Variants in RBM33 observed in about 807,000 individuals in gnomAD.
RBM33 encodes the protein RNA binding motif protein 33, also known as RNA-binding protein 33.
In RBM33, 28 loss-of-function variants were observed where a neutral mutation model predicts 132.6. The observed-to-expected ratio is 0.21, with a 90% confidence interval of 0.16 to 0.29. The LOEUF (loss-of-function observed/expected upper bound fraction) is 0.29, where lower values mean the gene tolerates loss of function less well. RBM33 is among the 10% of genes least tolerant of loss of function. RBM33 has a pLI of 1.00. For synonymous variants in RBM33, 634 were observed against 593.0 expected (o/e 1.07, Z -1.01); for missense variants, 1,291 against 1,518.5 (o/e 0.85, Z 2.49).
chr7:155,730,709 A>G (rs1800931173), intron 9 of RBM33, among the ~76,000 whole-genome samples: 2 of 152,224 alleles, frequency 1.3e-5, no homozygotes, highest in South Asian at 4.1e-4. Flanking sequence ...TTAGTGATGG[A>G]TTTTAAAGGC....
intron 1 of RBM33, among the ~76,000 whole-genome samples, chr7:155,651,952 T>G (rs1798366384): frequency 6.6e-6 from 1 of 152,230 alleles, no homozygotes; most frequent in Non-Finnish European, 1.5e-5. Context: ...AAATTATTTC[T>G]AAAGCAACAT....
intron 1 of RBM33, among the ~76,000 whole-genome samples, chr7:155,657,258 C>T (rs532559803): frequency 2.6e-5 from 4 of 152,204 alleles, no homozygotes; most frequent in African/African-American, 7.2e-5. Context: ...CTACGTAGCA[C>T]GATGGCAGTT....
rs772778900 is a variant in RBM33, at chr7:155,779,097, T to C, written c.*4056T>C. ...GTGCTCTTCCTGGGATTCGTTTTTT[T>C]ATTACCCTCCCTCCCTACTTGTAGG... On this transcript the variant is annotated 3_prime_UTR_variant, in exon 18 of 18. Transcript: ENST00000401878. 1 of 152,086 alleles carries C rather than the reference T, an allele frequency of 6.6e-6. No homozygotes were observed. Among genetic ancestry groups the C allele is most frequent in the Non-Finnish European group, 1.5e-5 (1 of 68,068 alleles). 9.4% of individuals were successfully genotyped at this position (152,086 alleles called of 1,614,324 possible). A position where few individuals can be genotyped will look rare whatever the true frequency, so the allele number is the denominator to read the frequency against.
At position 155,774,969 on chromosome 7, in the gene RBM33, G is replaced by T; in HGVS notation, c.3465-24G>T. On this transcript the variant is annotated intron_variant, in intron 17 of 17. Coordinates refer to ENST00000401878, the MANE Select transcript of RBM33 (RefSeq NM_053043.3). This position sits in a 1 kb window ranked among gnomAD's most constrained non-coding sequence, Gnocchi z 4.2. The stretch of plus-strand genomic sequence containing the variant: ...ATTGCCGATGTGCAGGGTTAGTGTC[G>T]ATCGTTTCTTTAAATTTTCACAGGC... The T allele has an allele frequency of 1.2e-6, 2 of 1,612,252 alleles. No individual in the cohort carries two copies. Among genetic ancestry groups the T allele is most frequent in the Non-Finnish European group, 1.7e-6 (2 of 1,178,476 alleles).
At chr7:155,718,967 T>TCACA (rs879367019) in intron 9 of RBM33, among the ~76,000 whole-genome samples, 15 of 151,150 alleles carry the variant, frequency 9.9e-5, no homozygotes, top group Admixed American at 9.9e-4. Context: ...TCTCTCTCTC[T>TCACA]CACACACACA....
intron 5 of RBM33, among the ~76,000 whole-genome samples, chr7:155,688,646 G>A (rs932751064): frequency 2.6e-5 from 4 of 152,106 alleles, no homozygotes; most frequent in Non-Finnish European, 2.9e-5. Flanking sequence ...TTTGAGATAC[G>A]TCCCATCAAT....
chr7:155,646,590 C>A (rs533556073), intron 1 of RBM33, among the ~76,000 whole-genome samples: 2 of 152,296 alleles, frequency 1.3e-5, no homozygotes, highest in South Asian at 4.1e-4. Context: ...CTCCTGTACC[C>A]GCTCTTGCCA....
At chr7:155,772,866 T>C (rs957068895) in intron 16 of RBM33, among the ~76,000 whole-genome samples, 1 of 152,248 alleles carries the variant, frequency 6.6e-6, no homozygotes, top group Admixed American at 6.5e-5. Flanking sequence ...AACGCTGTTG[T>C]AGAAGCACTG....
In RBM33 at chr7:155,711,295, G is replaced by A. The variant is rs1365375800; in HGVS notation, c.1041G>A (p.Val347=). The change falls in exon 8 of 18, where the codon GTG becomes GTA. Residue 347 remains valine, a synonymous_variant. Transcript: ENST00000401878. Reference sequence around the variant, plus strand: ...AGCCGCTGCAGCCGCTGCTTCCGGTGCAGCACCCGCACCACCCATCCCCGC... The same window carrying A: ...AGCCGCTGCAGCCGCTGCTTCCGGTACAGCACCCGCACCACCCATCCCCGC... ...QPQPLQPLLP[V]QHPHHPSPPQ... The A allele has an allele frequency of 1.2e-6, 2 of 1,606,308 alleles. No individual in the cohort carries two copies. Among genetic ancestry groups the A allele is most frequent in the East Asian group, 2.3e-5 (1 of 43,946 alleles).
chr7:155,769,160 T>C (rs750575108), intron 16 of RBM33, among the ~76,000 whole-genome samples: 92 of 152,324 alleles, frequency 6.0e-4, no homozygotes, highest in Admixed American at 1.1e-3. Flanking sequence ...ACTGTAACCA[T>C]GTTTCAGAAA....
chr7:155,676,671 T>C (rs1799192421), intron 3 of RBM33, among the ~76,000 whole-genome samples: 1 of 152,224 alleles, frequency 6.6e-6, no homozygotes, highest in African/African-American at 2.4e-5. Flanking sequence ...CCTGATTTCC[T>C]GCAGACCATC....
intron 3 of RBM33, among the ~76,000 whole-genome samples, chr7:155,676,443 T>C (rs1351352575): frequency 6.6e-6 from 1 of 152,218 alleles, no homozygotes; most frequent in Non-Finnish European, 1.5e-5. Context: ...CATAGATGCC[T>C]GTGTTGGAGA....
At chr7:155,678,998 C>A (rs1035454989) in intron 4 of RBM33, among the ~76,000 whole-genome samples, 1 of 151,954 alleles carries the variant, frequency 6.6e-6, no homozygotes, top group African/African-American at 2.4e-5. Flanking sequence ...ATGGTGAAAC[C>A]CTGTCTCTAC....
Position 155,707,321 on chromosome 7 carries a change from G to A in RBM33, c.948+253G>A, listed in dbSNP as rs41271205. On this transcript the variant is annotated intron_variant, in intron 7 of 17. Coordinates refer to ENST00000401878, the MANE Select transcript of RBM33 (RefSeq NM_053043.3). ...ACTTCCAGAGGAGGAATTAATGAGC[G>A]ACCTGATGCCCTAAGATGACATAAG... is the stretch of plus-strand genomic sequence containing the variant. The A allele has an allele frequency of 2.5e-3, 1,526 of 609,266 alleles. 15 individuals carry two copies. The highest frequency in any genetic ancestry group is 0.015 in the South Asian group (989 of 65,780). The allele number at this position is 609,266 out of a possible 1,614,324, so 37.7% of individuals were successfully genotyped here. A position where few individuals can be genotyped will look rare whatever the true frequency, so the allele number is the denominator to read the frequency against.
At position 155,686,092 on chromosome 7, in the gene RBM33, A is replaced by G. The variant is rs528523710; in HGVS notation, c.567+5184A>G. 2.0e-5 allele frequency among the ~76,000 whole-genome samples: 3 copies of G among 152,278 alleles called. No homozygotes were observed. The South Asian group carries it at 6.2e-4, about 32-fold the overall frequency. ...CTTCTCTCTTTCTTTCTCGCTCGCT[A>G]TTTGAAATAATTTGAAACTTAGAGA... On this transcript the variant is annotated intron_variant, in intron 5 of 17. Transcript: ENST00000401878.
At chr7:155,658,277 G>T (rs1798546037) in intron 1 of RBM33, among the ~76,000 whole-genome samples, 1 of 151,774 alleles carries the variant, frequency 6.6e-6, no homozygotes, top group African/African-American at 2.4e-5. Flanking sequence ...TTTGCCAGCT[G>T]CCTTTTGGTT....
At chr7:155,671,358 G>C (rs1453202170) in intron 2 of RBM33, among the ~76,000 whole-genome samples, 1 of 152,192 alleles carries the variant, frequency 6.6e-6, no homozygotes, top group Non-Finnish European at 1.5e-5. Flanking sequence ...TGTCACTGCT[G>C]TGTGACTTTA....
At chr7:155,759,820 TAG>T (rs1319124953) in intron 14 of RBM33, among the ~76,000 whole-genome samples, 1 of 152,220 alleles carries the variant, frequency 6.6e-6, no homozygotes, top group African/African-American at 2.4e-5. Flanking sequence ...GTTTCCTCTC[TAG>T]ACCATCTTGT....
chr7:155,741,995 A>G lies in RBM33; in HGVS notation c.2226A>G (p.Pro742=), dbSNP rs1164223593. ...AQVKPIVSAS[P]PSRAVAGSRS... The stretch of plus-strand genomic sequence containing the variant: ...TGAAACCTATCGTCAGCGCGTCACC[A>G]CCCTCGCGGGCCGTGGCGGGTTCCA... Residue 742 remains proline, a synonymous_variant, in exon 13 of 18, where the codon CCA becomes CCG. Transcript: ENST00000401878. The G allele has an allele frequency of 6.2e-7, 1 of 1,613,776 alleles. No homozygotes were observed. The highest frequency in any genetic ancestry group is 1.7e-5 in the Admixed American group (1 of 60,008).
Sources: gnomAD v4.1 joint callset for allele counts (sites outside exome capture counted in the v4.1 genomes callset) on GRCh38, gnomAD v4.1.1 for gene constraint, Gnocchi (gnomAD v3.1) non-coding constraint, MANE v1.5 for transcripts, NCBI Gene and HGNC (gene_info 2026-07-23, HGNC 2026-07-21) for gene names.